Variants in GDAP1 observed in about 807,000 individuals in gnomAD.
GDAP1 encodes ganglioside induced differentiation associated protein 1.
In GDAP1, 34 loss-of-function variants were observed where a neutral mutation model predicts 40.1. The observed-to-expected ratio is 0.85, with a 90% CI of 0.64 to 1.13. The LOEUF is 1.13. Ranked by LOEUF, GDAP1 falls within the 50% of genes most tolerant of loss-of-function variation. GDAP1 has a pLI of 0.00. For synonymous variants in GDAP1, 170 were observed against 157.4 expected, an observed-to-expected ratio of 1.08 and a Z score of -0.60; for missense variants, 374 against 433.7, an observed-to-expected ratio of 0.86 and a Z score of 1.22.
At position 74,366,644 on chromosome 8, in the gene GDAP1, G is replaced by T; in HGVS notation, c.*2277G>T. 1 of 453,672 alleles carries T rather than the reference G, an allele frequency of 2.2e-6. No individual in the cohort carries two copies. Among genetic ancestry groups the T allele is most frequent in the Non-Finnish European group, 4.4e-6 (1 of 226,630 alleles). The allele number at this position is 453,672 out of a possible 1,614,324, so 28.1% of individuals were successfully genotyped here. A position where few individuals can be genotyped will look rare whatever the true frequency, so the allele number is the denominator to read the frequency against. ...TGCCTGAGGTACTAAAGTTATGTTG[G>T]CTTTTTGTGTCTTAACACACATAAA... is the stretch of plus-strand genomic sequence containing the variant. On this transcript the variant is annotated 3_prime_UTR_variant, in exon 6 of 6. Transcript: ENST00000220822.
At chr8:74,389,582 G>C (rs1810077021) in intron 2 of GDAP1, among the ~76,000 whole-genome samples, 1 of 152,166 alleles carries the variant, frequency 6.6e-6, no homozygotes, top group Non-Finnish European at 1.5e-5. Flanking sequence ...TAGGTAACCT[G>C]TCCTTTCTCT....
At chr8:74,422,285 TTTTCTTTCTTTCTTTCTTTCTTTCTTTC>T (rs556852017) in intron 2 of GDAP1, among the ~76,000 whole-genome samples, 23 of 87,736 alleles carry the variant, frequency 2.6e-4, no homozygotes, top group Admixed American at 4.1e-4. Flanking sequence ...TTCTTTTTTC[TTTTCTTTCTTTCTTTCTTTCTTTCTTTC>T]TTTCTTTCTT....
At chr8:74,401,348 C>T (rs1810334016) in intron 2 of GDAP1, among the ~76,000 whole-genome samples, 1 of 149,884 alleles carries the variant, frequency 6.7e-6, no homozygotes, top group African/African-American at 2.5e-5. Flanking sequence ...ATCGCATTAG[C>T]TCCTGAGGCT....
intron 2 of GDAP1, among the ~76,000 whole-genome samples, chr8:74,353,697 T>G (rs1808978245): frequency 1.3e-5 from 2 of 152,178 alleles, no homozygotes. Flanking sequence ...TGCAGAACCT[T>G]AGAGCTCTCT....
At chr8:74,408,763 A>G (rs1248634919) in intron 2 of GDAP1, among the ~76,000 whole-genome samples, 1 of 150,064 alleles carries the variant, frequency 6.7e-6, no homozygotes. Context: ...CCCTGTATTG[A>G]ATTCTCGACT....
chr8:74,394,937 T>G (rs887421370), intron 2 of GDAP1, among the ~76,000 whole-genome samples: 1 of 152,180 alleles, frequency 6.6e-6, no homozygotes, highest in Non-Finnish European at 1.5e-5. Flanking sequence ...CAATTGCAAA[T>G]TAAATGCATG....
intron 2 of GDAP1, among the ~76,000 whole-genome samples, chr8:74,483,336 C>T (rs1023924472): frequency 1.1e-4 from 16 of 152,054 alleles, no homozygotes; most frequent in African/African-American, 3.9e-4. Context: ...CATAGTTTTT[C>T]AGAATAAGGC....
intron 2 of GDAP1, among the ~76,000 whole-genome samples, chr8:74,470,937 G>A (rs1341835500): frequency 6.6e-6 from 1 of 152,080 alleles, no homozygotes; most frequent in Admixed American, 6.6e-5. Flanking sequence ...TTTAATGATC[G>A]CCATTCTAAC....
At chr8:74,401,928 G>T (rs1810348857) in intron 2 of GDAP1, among the ~76,000 whole-genome samples, 3 of 150,084 alleles carry the variant, frequency 2.0e-5, no homozygotes, top group Non-Finnish European at 2.9e-5. Flanking sequence ...TTGTCTCAGA[G>T]GAGTACCCGG....
chr8:74,406,690 G>A (rs1345904704), intron 2 of GDAP1, among the ~76,000 whole-genome samples: 1 of 150,044 alleles, frequency 6.7e-6, no homozygotes, highest in Admixed American at 6.6e-5. Context: ...TCTACTTGGT[G>A]ACATTTATAA....
intron 2 of GDAP1, among the ~76,000 whole-genome samples, chr8:74,431,785 A>G (rs1806030155): frequency 6.6e-6 from 1 of 152,150 alleles, no homozygotes; most frequent in East Asian, 1.9e-4. Flanking sequence ...CCGGCCTCAA[A>G]ATTCTTTATA....
At chr8:74,384,150 G>A (rs534176691) in intron 2 of GDAP1, among the ~76,000 whole-genome samples, 10 of 152,006 alleles carry the variant, frequency 6.6e-5, no homozygotes, top group East Asian at 3.8e-4. Flanking sequence ...ACAATTTGTT[G>A]AATTTAGTCC....
At chr8:74,397,831 C>A (rs956422831) in intron 2 of GDAP1, among the ~76,000 whole-genome samples, 1 of 151,786 alleles carries the variant, frequency 6.6e-6, no homozygotes, top group South Asian at 2.1e-4. Flanking sequence ...ATTGACTTGG[C>A]GATGCGGGCT....
intron 2 of GDAP1, among the ~76,000 whole-genome samples, chr8:74,400,244 T>A (rs1810300195): frequency 6.7e-6 from 1 of 149,978 alleles, no homozygotes; most frequent in African/African-American, 2.5e-5. Context: ...CTGTGTTGGG[T>A]ACATATATAT....
chr8:74,444,023 TATC>T (rs781080993), intron 2 of GDAP1, among the ~76,000 whole-genome samples: 1,623 of 97,992 alleles, frequency 0.017, 15 homozygotes, highest in Middle Eastern at 0.028. Context: ...TCTATCTATC[TATC>T]ATCTATCATC....
chr8:74,425,128 A>G (rs1018880443), intron 2 of GDAP1, among the ~76,000 whole-genome samples: 4 of 152,196 alleles, frequency 2.6e-5, no homozygotes, highest in African/African-American at 9.6e-5. Flanking sequence ...GAGGAATTCT[A>G]TGCTTTGTGG....
At chr8:74,457,128 A>G (rs1298272643) in intron 2 of GDAP1, among the ~76,000 whole-genome samples, 7 of 151,884 alleles carry the variant, frequency 4.6e-5, no homozygotes, top group African/African-American at 1.7e-4. Context: ...TATATTCAAG[A>G]CCCCTTTTTG....
chr8:74,456,735 A>C (rs1246129711), intron 2 of GDAP1, among the ~76,000 whole-genome samples: 1 of 152,030 alleles, frequency 6.6e-6, no homozygotes, highest in Non-Finnish European at 1.5e-5. Flanking sequence ...CCCACTATGC[A>C]ATTATAAAAT....
chr8:74,402,874 T>A (rs7833162), intron 2 of GDAP1, among the ~76,000 whole-genome samples: 16,240 of 150,030 alleles, frequency 0.11, 2,271 homozygotes, highest in African/African-American at 0.24. Flanking sequence ...TGAACAGATA[T>A]ATAATTGATT....
Sources: gnomAD v4.1 joint callset for allele counts (sites outside exome capture counted in the v4.1 genomes callset) on GRCh38, gnomAD v4.1.1 for gene constraint, MANE v1.5 for transcripts, NCBI Gene and HGNC (gene_info 2026-07-23, HGNC 2026-07-21) for gene names.